Variants in CCDC69 observed in about 807,000 individuals in gnomAD.
CCDC69 encodes coiled-coil domain containing 69.
CCDC69 carries 38 observed loss-of-function variants against 40.3 expected under a neutral mutation model. The ratio of observed to expected loss-of-function variants is 0.94; its 90% CI spans 0.73 to 1.24. The LOEUF (loss-of-function observed/expected upper bound fraction) is 1.24, where lower values mean the gene tolerates loss of function less well. Ranked by LOEUF, CCDC69 falls within the 50% of genes most tolerant of loss-of-function variation. The probability of loss-of-function intolerance (pLI) is 0.00; values close to 1 mark genes in which losing one functional copy is unlikely to be tolerated. For synonymous variants in CCDC69, 141 were observed against 138.9 expected (o/e 1.02, Z -0.11); for missense variants, 389 against 357.9 (o/e 1.09, Z -0.70).
At chr5:151,207,861 A>G (rs1005809046) in intron 1 of CCDC69, among the ~76,000 whole-genome samples, 1 of 152,120 alleles carries the variant, frequency 6.6e-6, no homozygotes, top group African/African-American at 2.4e-5. Context: ...TACAAAGAAG[A>G]GAAAGAAAGA....
At chr5:151,223,633 G>T (rs1407701212) in intron 1 of CCDC69, among the ~76,000 whole-genome samples, 2 of 152,210 alleles carry the variant, frequency 1.3e-5, no homozygotes, top group African/African-American at 4.8e-5. Context: ...CGAAAGCAGA[G>T]GGCACCTGCC....
chr5:151,204,589 A>G (rs1337259251), intron 2 of CCDC69, among the ~76,000 whole-genome samples: 1 of 152,210 alleles, frequency 6.6e-6, no homozygotes, highest in Non-Finnish European at 1.5e-5. Flanking sequence ...TCTGTATCAC[A>G]CTAAACAAGG....
chr5:151,209,300 C>T (rs867872274), intron 1 of CCDC69, among the ~76,000 whole-genome samples: 10 of 152,250 alleles, frequency 6.6e-5, no homozygotes, highest in Admixed American at 2.0e-4. Context: ...AAAGATCCCA[C>T]GTCATCTGCT....
intron 4 of CCDC69, among the ~76,000 whole-genome samples, chr5:151,191,507 T>C (rs1297122003): frequency 6.6e-6 from 1 of 152,002 alleles, no homozygotes; most frequent in Non-Finnish European, 1.5e-5. Flanking sequence ...AGCAGCAAAA[T>C]ACAAACTATG....
chr5:151,199,840 A>G (rs1338911007), intron 3 of CCDC69, among the ~76,000 whole-genome samples: 1 of 152,160 alleles, frequency 6.6e-6, no homozygotes, highest in Admixed American at 6.5e-5. Context: ...CAAACTAAAG[A>G]CCAGCAGCTG....
chr5:151,205,281 T>A, intron 2 of CCDC69, 119 bp downstream of exon 2: 1 of 842,162 alleles, frequency 1.2e-6, no homozygotes. Context: ...ACGATACTCC[T>A]ATTAAGGTAA....
Position 151,183,459 on chromosome 5 carries a change from T to A in CCDC69, c.869A>T (p.Glu290Val). 6.2e-7 allele frequency: 1 copy of A among 1,604,642 alleles called. No individual in the cohort carries two copies. The highest frequency in any genetic ancestry group is 8.5e-7 in the Non-Finnish European group (1 of 1,176,720). ...ACCCTATGTGGCGAGGAAAGAGACC[T>A]CAGTGGGAGTGACAGGGGCCAGAGG... ...AFPLAPVTPT[E>V]VSFLAT The change falls in exon 9 of 9, where the codon GAG becomes GTG. Residue 290 changes from glutamate (E) to valine (V), a missense_variant. Physicochemically the swap from Glu to Val is moderately radical, Grantham distance 121 (BLOSUM62 -2). Coordinates refer to ENST00000355417, the MANE Select transcript of CCDC69 (RefSeq NM_015621.3).
Position 151,185,455 on chromosome 5 carries a change from C to T in CCDC69, c.582G>A (p.Glu194=). Residue 194 remains glutamate (E), a synonymous_variant, in exon 7 of 9, where the codon GAG becomes GAA. Transcript: ENST00000355417. ...CCATGAGGATCAGCCGCCTGTCCAG[C>T]TCATGAATACGCTCATTCTTCATCT... The part of the protein sequence containing the change: ...VIEMKNERIH[E]LDRRLILMET... The T allele has an allele frequency of 6.2e-7, 1 of 1,614,080 alleles. No homozygotes were observed. Among genetic ancestry groups the T allele is most frequent in the Non-Finnish European group, 8.5e-7 (1 of 1,179,934 alleles).
Position 151,183,178 on chromosome 5 carries a change from G to T in CCDC69, c.*259C>A. 2 of 629,476 alleles carry T rather than the reference G, an allele frequency of 3.2e-6. No individual in the cohort carries two copies. The highest frequency in any genetic ancestry group is 4.2e-5 in the Admixed American group (2 of 47,634). The allele number at this position is 629,476 out of a possible 1,614,324, so 39.0% of individuals were successfully genotyped here. A position where few individuals can be genotyped will look rare whatever the true frequency, so the allele number is the denominator to read the frequency against. ...TTCTCGGATTGGGACAGAGTGCTGGGGCAGGGAGGAAATGTCTCCTCTTGC... is the reference window on the plus strand; with the variant it reads ...TTCTCGGATTGGGACAGAGTGCTGGTGCAGGGAGGAAATGTCTCCTCTTGC... On this transcript the variant is annotated 3_prime_UTR_variant, in exon 9 of 9. Transcript: ENST00000355417.
intron 4 of CCDC69, among the ~76,000 whole-genome samples, chr5:151,189,871 G>A (rs1441660649): frequency 6.6e-6 from 1 of 152,190 alleles, no homozygotes; most frequent in African/African-American, 2.4e-5. Context: ...TTGGGTTGAG[G>A]TCTACCATTT....
At chr5:151,193,685 G>A (rs1582041648) in intron 4 of CCDC69, among the ~76,000 whole-genome samples, 2 of 152,050 alleles carry the variant, frequency 1.3e-5, no homozygotes, top group African/African-American at 4.8e-5. Context: ...TTGTTACCTG[G>A]GGTTTAGCAA....
chr5:151,186,341 A>AAAAGAAAAGAGG lies in CCDC69; in HGVS notation c.394-229_394-218dup, dbSNP rs1752514435. 1.3e-5 allele frequency among the ~76,000 whole-genome samples: 2 copies of AAAAGAAAAGAGG among 149,104 alleles called. 1 individual carries two copies. On this transcript the variant is annotated intron_variant, in intron 5 of 8. Transcript: ENST00000355417. The stretch of plus-strand genomic sequence containing the variant: ...TGCTGGGAAGAGAAAGAAAGAAGAG[A>AAAAGAAAAGAGG]AAAGAAAAGAGGAAAGAAAAGAAGA...
chr5:151,183,729 ACT>A, intron 8 of CCDC69, 115 bp from the exon 9 acceptor site: 1 of 893,736 alleles, frequency 1.1e-6, no homozygotes. Flanking sequence ...CAGGGTCCCC[ACT>A]GCCCTCCTTG....
chr5:151,185,691 C>T (rs1752497143), intron 6 of CCDC69, 150 bp from the exon 7 acceptor site: 4 of 803,994 alleles, frequency 5.0e-6, no homozygotes, highest in Non-Finnish European at 6.1e-6. Context: ...TCCCTGTATC[C>T]GAATATCACC....
At chr5:151,195,778 C>T (rs1189248491) in intron 4 of CCDC69, among the ~76,000 whole-genome samples, 1 of 151,218 alleles carries the variant, frequency 6.6e-6, no homozygotes, top group Non-Finnish European at 1.5e-5. Flanking sequence ...CACACACACC[C>T]ACACCCACAA....
intron 2 of CCDC69, among the ~76,000 whole-genome samples, chr5:151,202,637 G>C (rs886430745): frequency 1.3e-5 from 2 of 152,180 alleles, no homozygotes; most frequent in African/African-American, 4.8e-5. Context: ...TGGGGCCCAT[G>C]AGCATCTGAG....
At chr5:151,203,243 CTCACACCTGTA>C (rs780128742) in intron 2 of CCDC69, among the ~76,000 whole-genome samples, 2 of 152,068 alleles carry the variant, frequency 1.3e-5, no homozygotes, top group Non-Finnish European at 2.9e-5. Context: ...GGCGCGATGG[CTCACACCTGTA>C]ATCCCAGCAC....
At chr5:151,201,459 C>A (rs754026623) in intron 3 of CCDC69, 123 bp downstream of exon 3, 4 of 622,624 alleles carry the variant, frequency 6.4e-6, no homozygotes, top group Non-Finnish European at 5.7e-6. Flanking sequence ...GGACTCCCTT[C>A]CTGGTAAAAT....
At chr5:151,208,968 C>T (rs1752890686) in intron 1 of CCDC69, among the ~76,000 whole-genome samples, 1 of 152,196 alleles carries the variant, frequency 6.6e-6, no homozygotes, top group South Asian at 2.1e-4. Context: ...AAGGTCACTA[C>T]AGGCGAGGAA....
Sources: gnomAD v4.1 joint callset for allele counts (sites outside exome capture counted in the v4.1 genomes callset) on GRCh38, gnomAD v4.1.1 for gene constraint, MANE v1.5 for transcripts, NCBI Gene and HGNC (gene_info 2026-07-23, HGNC 2026-07-21) for gene names.